Variants in ZNF117 observed in about 807,000 individuals in gnomAD.
The protein encoded by ZNF117 is Krueppel-related zinc finger protein.
A neutral mutation model predicts 41.2 loss-of-function variants in ZNF117; 37 were observed. The observed-to-expected ratio is 0.90, with a 90% confidence interval of 0.69 to 1.18. The LOEUF is 1.18. Ranked by LOEUF, ZNF117 falls within the 50% of genes most tolerant of loss-of-function variation. ZNF117 has a pLI of 0.00. For synonymous variants in ZNF117, 186 were observed against 186.6 expected (o/e 1.00, Z 0.02); for missense variants, 546 against 557.5 (o/e 0.98, Z 0.21).
chr7:64,985,096 A>C (rs527805237), upstream of ZNF117, among the ~76,000 whole-genome samples: 25 of 152,318 alleles, frequency 1.6e-4, no homozygotes, highest in African/African-American at 5.5e-4. Context: ...CCGGCCGAAT[A>C]TAACATTATT....
chr7:64,990,237 G>A (rs1041497620), exon 1 of ZNF117: 1 of 152,226 alleles, frequency 6.6e-6, no homozygotes, highest in Non-Finnish European at 1.5e-5. Context: ...ACCACAGTGA[G>A]ATACCATCTC....
chr7:64,981,527 C>T, intron 1 of ZNF117, 45 bp from the exon 3 acceptor site: 3 of 1,447,668 alleles, frequency 2.1e-6, no homozygotes, highest in Non-Finnish European at 2.9e-6. Flanking sequence ...ACATATTCTC[C>T]AATTACCAAC....
upstream of ZNF117, among the ~76,000 whole-genome samples, chr7:64,986,124 A>G (rs1309077842): frequency 1.4e-5 from 2 of 142,504 alleles, no homozygotes; most frequent in African/African-American, 5.3e-5. Flanking sequence ...AGAAATGTTT[A>G]TGGGAAAAAA....
At chr7:64,977,215 A>G (rs1171072670) in exon 3 of ZNF117, 2 of 425,346 alleles carry the variant, frequency 4.7e-6, no homozygotes, top group Admixed American at 3.1e-5. Flanking sequence ...GCCTTGTCAC[A>G]TTCTTCACAT....
At chr7:64,984,730 T>C (rs1258090779), upstream of ZNF117, among the ~76,000 whole-genome samples, 1 of 136,792 alleles carries the variant, frequency 7.3e-6, no homozygotes, top group Non-Finnish European at 1.6e-5. Flanking sequence ...TTAAAAATTG[T>C]CTACAACCAT....
chr7:64,978,640 C>A (rs1339810952), exon 3 of ZNF117: 3 of 1,612,326 alleles, frequency 1.9e-6, no homozygotes, highest in Admixed American at 1.7e-5. Context: ...AAAGCTTTGC[C>A]ACATTCTTCA....
At chr7:64,977,312 G>C in exon 3 of ZNF117, 1 of 419,468 alleles carries the variant, frequency 2.4e-6, no homozygotes, top group South Asian at 1.8e-5. Flanking sequence ...CTTCACATTT[G>C]TAGCATTTCT....
exon 3 of ZNF117, chr7:64,979,067 T>C (rs1293385126): frequency 6.2e-7 from 1 of 1,613,220 alleles, no homozygotes; most frequent in Non-Finnish European, 8.5e-7. Context: ...TGCCACATTC[T>C]TTACATTTGT....
At position 64,979,454 on chromosome 7, in the gene ZNF117, A is replaced by G. The variant is rs771934432; in HGVS notation, c.117T>C (p.Tyr39=). The change falls in exon 3 of 3, where the codon TAT becomes TAC. Residue 39 remains tyrosine (Y), a synonymous_variant. Coordinates refer to ENST00000620222, the Ensembl canonical transcript of ZNF117. ...GTAAATTCTCATATCCACATTTTCT[A>G]TATCTTCTTAGGGTCACTTTCTGGA... 4.8e-5 allele frequency: 77 copies of G among 1,607,744 alleles called. 1 individual carries two copies. In the South Asian group the frequency reaches 5.4e-4, roughly 11 times the overall value.
exon 3 of ZNF117, chr7:64,975,889 A>G: frequency 6.6e-6 from 1 of 152,214 alleles, no homozygotes; most frequent in East Asian, 1.9e-4. Context: ...TACTTACTGC[A>G]TCTGCAAAAA....
At chr7:64,990,482 T>C in exon 1 of ZNF117, 1 of 179,484 alleles carries the variant, frequency 5.6e-6, no homozygotes. Flanking sequence ...AGTCGGGTTT[T>C]TGGCGCAAAA....
chr7:64,982,724 T>C (rs1176999292), upstream of ZNF117, among the ~76,000 whole-genome samples: 1 of 152,188 alleles, frequency 6.6e-6, no homozygotes, highest in Non-Finnish European at 1.5e-5. Flanking sequence ...AAGGCAGATA[T>C]ACGCACAGAA....
chr7:64,990,959 C>A lies in ZNF117; in HGVS notation c.-1208G>T. ...TTTATAAGTAAAGTTTAAGAGAAAG[C>A]ATCACTATCTTCATTTACTTCAAGA... On this transcript the variant is annotated 5_prime_UTR_variant, in exon 1 of 4. An upstream start codon of the reference 5' UTR is lost. Transcript: ENST00000282869. 2.9e-6 allele frequency: 1 copy of A among 341,070 alleles called. No homozygotes were observed. The highest frequency in any genetic ancestry group is 1.0e-4 in the South Asian group (1 of 9,676). The allele number at this position is 341,070 out of a possible 1,614,324, so 21.1% of individuals were successfully genotyped here.
intron 2 of ZNF117, chr7:64,980,353 A>C (rs1785999923): frequency 6.6e-6 from 1 of 152,020 alleles, no homozygotes; most frequent in African/African-American, 2.4e-5. Flanking sequence ...AGATATTATA[A>C]AATTTTCAGA....
exon 1 of ZNF117, chr7:64,990,351 A>G (rs1786235804): frequency 5.9e-6 from 1 of 169,112 alleles, no homozygotes; most frequent in Non-Finnish European, 1.3e-5. Context: ...GGCCGGAGAG[A>G]TCACTGGGTG....
chr7:64,979,330 A>G (rs770843099), exon 3 of ZNF117: 2 of 1,593,454 alleles, frequency 1.3e-6, no homozygotes, highest in Non-Finnish European at 1.7e-6. Flanking sequence ...TTACATTGAA[A>G]TATTTTGCTC....
At chr7:64,975,520 TAACA>T (rs1244400879) in exon 3 of ZNF117, 2 of 151,984 alleles carry the variant, frequency 1.3e-5, no homozygotes. Flanking sequence ...ATTGCCCACC[TAACA>T]AAAAAGAATG....
upstream of ZNF117, among the ~76,000 whole-genome samples, chr7:64,983,968 C>T (rs946594972): frequency 6.6e-6 from 1 of 152,140 alleles, no homozygotes; most frequent in African/African-American, 2.4e-5. Context: ...TTCTAAACAC[C>T]CAAATTGCAC....
exon 3 of ZNF117, chr7:64,978,274 T>C: frequency 6.3e-7 from 1 of 1,595,600 alleles, no homozygotes; most frequent in South Asian, 1.1e-5. Context: ...TTATGTCCAA[T>C]AAGGGTTGAA....
Sources: gnomAD v4.1 joint callset for allele counts (sites outside exome capture counted in the v4.1 genomes callset) on GRCh38, gnomAD v4.1.1 for gene constraint, MANE v1.5 for transcripts, NCBI Gene and HGNC (gene_info 2026-07-23, HGNC 2026-07-21) for gene names.